The following SNTG1 variants were observed in gnomAD, a reference collection of about 807,000 sequenced individuals.
SNTG1 encodes gamma-1-syntrophin.
In SNTG1, 39 loss-of-function variants were observed where a neutral mutation model predicts 74.7. That is an observed-to-expected ratio of 0.52 (90% confidence interval 0.40 to 0.68). SNTG1 has a LOEUF of 0.68. Ranked by LOEUF, SNTG1 falls within the 30% of genes least tolerant of loss-of-function variation. SNTG1 has a pLI of 0.00. For missense variants in SNTG1, 685 were observed against 609.5 expected (o/e 1.12, Z -1.30); for synonymous variants, 254 against 217.1 (o/e 1.17, Z -1.49).
chr8:50,531,924 G>A (rs1289733095), intron 10 of SNTG1, among the ~76,000 whole-genome samples: 2 of 152,026 alleles, frequency 1.3e-5, no homozygotes, highest in African/African-American at 2.4e-5. Context: ...AAATCATTCT[G>A]GTTTGTTTTT....
chr8:50,507,617 T>G (rs1258404839), intron 9 of SNTG1, among the ~76,000 whole-genome samples: 25 of 152,178 alleles, frequency 1.6e-4, no homozygotes, highest in Admixed American at 1.6e-3. Flanking sequence ...GGCACATAAT[T>G]GTCCATATTA....
At chr8:50,015,905 A>C (rs1013903651) in intron 1 of SNTG1, among the ~76,000 whole-genome samples, 1 of 152,076 alleles carries the variant, frequency 6.6e-6, no homozygotes, top group Non-Finnish European at 1.5e-5. Flanking sequence ...ATGAAGCAAA[A>C]CTTCATAGCC....
intron 2 of SNTG1, among the ~76,000 whole-genome samples, chr8:50,344,950 T>C (rs1276424083): frequency 1.3e-5 from 2 of 152,102 alleles, no homozygotes; most frequent in Non-Finnish European, 2.9e-5. Flanking sequence ...AATTTGGACA[T>C]ACAAAAGAAT....
intron 2 of SNTG1, among the ~76,000 whole-genome samples, chr8:50,231,473 A>T (rs1039198253): frequency 6.6e-6 from 1 of 151,440 alleles, no homozygotes. Flanking sequence ...CAAGTGATTG[A>T]ATAAACCTAA....
chr8:50,681,215 T>C (rs1194469087), intron 15 of SNTG1, among the ~76,000 whole-genome samples: 1 of 152,186 alleles, frequency 6.6e-6, no homozygotes, highest in Non-Finnish European at 1.5e-5. Context: ...AGATTGGAAT[T>C]ATGCAGGTTA....
At chr8:50,785,040 C>T (rs7845362) in intron 18 of SNTG1, among the ~76,000 whole-genome samples, 65,836 of 151,640 alleles carry the variant, frequency 0.43, 16,444 homozygotes, top group African/African-American at 0.7. Flanking sequence ...ACATATGCTA[C>T]GCAGCTATAG....
chr8:50,143,257 T>A (rs2081737938), intron 1 of SNTG1, among the ~76,000 whole-genome samples: 1 of 152,100 alleles, frequency 6.6e-6, no homozygotes, highest in African/African-American at 2.4e-5. Context: ...CACAATAATA[T>A]CACTTTCTGT....
At chr8:49,987,692 AGGCTGGAGTGTGGT>A (rs1399995253) in intron 1 of SNTG1, among the ~76,000 whole-genome samples, 2 of 124,024 alleles carry the variant, frequency 1.6e-5, no homozygotes, top group Admixed American at 2.0e-4. Flanking sequence ...ACTGCCACCC[AGGCTGGAGTGTGGT>A]GGCGTGATCT....
At chr8:50,255,604 G>A (rs891486440) in intron 2 of SNTG1, among the ~76,000 whole-genome samples, 1 of 152,114 alleles carries the variant, frequency 6.6e-6, no homozygotes, top group Admixed American at 6.5e-5. Flanking sequence ...AGTTCTTAGT[G>A]TTCTGACTAG....
intron 17 of SNTG1, among the ~76,000 whole-genome samples, chr8:50,738,773 A>G (rs1187723181): frequency 6.9e-6 from 1 of 144,078 alleles, no homozygotes; most frequent in Admixed American, 6.9e-5. Flanking sequence ...TGACCATCTG[A>G]TCTTCCACAA....
chr8:50,024,525 T>C (rs1240191759), intron 1 of SNTG1, among the ~76,000 whole-genome samples: 2 of 152,116 alleles, frequency 1.3e-5, no homozygotes, highest in Non-Finnish European at 2.9e-5. Flanking sequence ...AGTCAAGCAG[T>C]TCCCTTTATC....
intron 1 of SNTG1, among the ~76,000 whole-genome samples, chr8:49,959,050 GCT>G (rs2129672896): frequency 6.6e-6 from 1 of 152,198 alleles, no homozygotes; most frequent in Admixed American, 6.5e-5. Flanking sequence ...CATCTAATTA[GCT>G]CTTTTGAATT....
rs149669941 is a variant in SNTG1, at chr8:50,618,333, A to T, written c.849+27416A>T. Among the ~76,000 whole-genome samples the T allele has an allele frequency of 1.6e-3, 238 of 152,312 alleles. 1 individual carries two copies. Among genetic ancestry groups the T allele is most frequent in the African/African-American group, 5.5e-3 (227 of 41,574 alleles). On this transcript the variant is annotated intron_variant, in intron 13 of 18. Transcript: ENST00000642720. ...TTTACTTTCTACGTTTTTATTTCAT[A>T]CTGAAAGTATTTTCTTACTGTTGCA...
intron 11 of SNTG1, among the ~76,000 whole-genome samples, chr8:50,544,322 A>T (rs1188482928): frequency 6.6e-6 from 1 of 151,944 alleles, no homozygotes; most frequent in Non-Finnish European, 1.5e-5. Context: ...CTTTGGGCAT[A>T]TTTTTGATAT....
chr8:50,650,384 T>C (rs911117708), intron 13 of SNTG1, among the ~76,000 whole-genome samples: 5 of 152,114 alleles, frequency 3.3e-5, no homozygotes, highest in Admixed American at 6.5e-5. Flanking sequence ...TTATAAATAT[T>C]CTTGTCAGGT....
chr8:50,724,852 A>G (rs960181732), intron 17 of SNTG1, among the ~76,000 whole-genome samples: 1 of 152,206 alleles, frequency 6.6e-6, no homozygotes, highest in South Asian at 2.1e-4. Flanking sequence ...AGCATTCAAA[A>G]TAATAGAGAT....
intron 8 of SNTG1, among the ~76,000 whole-genome samples, chr8:50,498,957 CATT>C (rs1322617592): frequency 1.3e-5 from 2 of 151,526 alleles, no homozygotes; most frequent in African/African-American, 4.8e-5. Context: ...TATCATGTTA[CATT>C]ATTATTTTAT....
chr8:49,924,642 T>A (rs1005312242), intron 1 of SNTG1, among the ~76,000 whole-genome samples: 3 of 152,138 alleles, frequency 2.0e-5, no homozygotes, highest in Non-Finnish European at 4.4e-5. Context: ...ATTTAGTTTA[T>A]GAGGGAGTTT....
intron 1 of SNTG1, among the ~76,000 whole-genome samples, chr8:50,165,879 G>GTAT (rs2082597354): frequency 6.6e-6 from 1 of 151,656 alleles, no homozygotes; most frequent in Non-Finnish European, 1.5e-5. Flanking sequence ...TATACTACAA[G>GTAT]GCTACAGTAA....
Sources: gnomAD v4.1 joint callset for allele counts (sites outside exome capture counted in the v4.1 genomes callset) on GRCh38, gnomAD v4.1.1 for gene constraint, MANE v1.5 for transcripts, NCBI Gene and HGNC (gene_info 2026-07-23, HGNC 2026-07-21) for gene names.